CLASP2: variants seen among roughly 807,000 people sequenced by gnomAD.
CLASP2 encodes CLIP-associating protein 2.
CLASP2 carries 47 observed loss-of-function variants against 194.4 expected under a neutral mutation model. The ratio of observed to expected loss-of-function variants is 0.24; its 90% CI spans 0.19 to 0.31. The LOEUF is 0.31. CLASP2 is among the 10% of genes least tolerant of loss of function. The pLI, the probability that CLASP2 is intolerant of heterozygous loss-of-function variation, is 1.00. For missense variants in CLASP2, 1,445 were observed against 1,823.6 expected (o/e 0.79, Z 3.78); for synonymous variants, 619 against 633.5 (o/e 0.98, Z 0.34).
At chr3:33,574,855 T>C (rs2064504253) in intron 24 of CLASP2, among the ~76,000 whole-genome samples, 1 of 152,146 alleles carries the variant, frequency 6.6e-6, no homozygotes, top group Non-Finnish European at 1.5e-5. Flanking sequence ...AAATTGGTAG[T>C]TGTAAGTGGA....
intron 26 of CLASP2, among the ~76,000 whole-genome samples, chr3:33,570,092 G>A (rs2063465962): frequency 6.6e-6 from 1 of 152,118 alleles, no homozygotes; most frequent in Non-Finnish European, 1.5e-5. Flanking sequence ...CAGAATATGT[G>A]ACCACAGTTT....
At chr3:33,589,491 C>T (rs1246662723) in intron 21 of CLASP2, among the ~76,000 whole-genome samples, 1 of 152,030 alleles carries the variant, frequency 6.6e-6, no homozygotes, top group African/African-American at 2.4e-5. Context: ...TGTAAAGAAA[C>T]TTGCATACAA....
chr3:33,585,044 T>A lies in CLASP2; in HGVS notation c.2069-124A>T, dbSNP rs2067038995. On this transcript the variant is annotated intron_variant, in intron 21 of 38. Coordinates refer to ENST00000682230, the MANE Select transcript of CLASP2 (RefSeq NM_001365631.1). ...TGTGACAGTATGGCAGGTTCTACGC[T>A]CAAAGGAAATAGACCGAGGAAGATT... 4 of 729,524 alleles carry A rather than the reference T, an allele frequency of 5.5e-6. No individual in the cohort carries two copies. The Admixed American group carries it at 1.4e-4, about 25-fold the overall frequency. 45.2% of individuals were successfully genotyped at this position (729,524 alleles called of 1,614,324 possible). A position where few individuals can be genotyped will look rare whatever the true frequency, so the allele number is the denominator to read the frequency against.
At chr3:33,544,101 T>C (rs1336447816) in intron 31 of CLASP2, among the ~76,000 whole-genome samples, 1 of 152,212 alleles carries the variant, frequency 6.6e-6, no homozygotes, top group East Asian at 1.9e-4. Flanking sequence ...TTTTTAATGC[T>C]TCAGTTCAAT....
intron 18 of CLASP2, among the ~76,000 whole-genome samples, chr3:33,597,412 G>C (rs1421811524): frequency 6.6e-6 from 1 of 152,140 alleles, no homozygotes; most frequent in East Asian, 1.9e-4. Flanking sequence ...ATGCTTGTGG[G>C]GCTGGCCTCT....
intron 34 of CLASP2, among the ~76,000 whole-genome samples, chr3:33,519,187 A>T (rs2052266965): frequency 6.6e-6 from 1 of 152,194 alleles, no homozygotes. Flanking sequence ...AGTGCTCAAG[A>T]AGTACAAAAT....
intron 38 of CLASP2, among the ~76,000 whole-genome samples, chr3:33,500,522 C>A (rs956120255): frequency 6.6e-6 from 1 of 152,126 alleles, no homozygotes; most frequent in Non-Finnish European, 1.5e-5. Context: ...GATCACAGAA[C>A]CCTCTGAAAC....
chr3:33,661,286 G>T (rs1162118428), intron 7 of CLASP2, among the ~76,000 whole-genome samples: 4 of 151,960 alleles, frequency 2.6e-5, no homozygotes, highest in African/African-American at 9.7e-5. Flanking sequence ...GCTCCTTAAG[G>T]GGAGAAATTT....
At chr3:33,650,514 G>A (rs1213214325) in intron 7 of CLASP2, among the ~76,000 whole-genome samples, 5 of 152,120 alleles carry the variant, frequency 3.3e-5, no homozygotes, top group African/African-American at 7.2e-5. Flanking sequence ...AAGTGAGCAG[G>A]CTGCAGTGGT....
At position 33,584,861 on chromosome 3, in the gene CLASP2, T is replaced by A. The variant is rs1456729794; in HGVS notation, c.2128A>T (p.Ser710Cys). The change falls in exon 22 of 39, where the codon AGC becomes TGC. Residue 710 changes from serine to cysteine, a missense_variant. Coordinates refer to ENST00000682230, the MANE Select transcript of CLASP2 (RefSeq NM_001365631.1). ...ACCAGGACTCTTTGAACACCAGAGC[T>A]CACAGTGGACAGGGCTGTTGTGGTC... ...VLTTTALSTV[S>C]SGVQRVLVNS... is the part of the protein sequence containing the mutation. 40 of 1,613,904 alleles carry A rather than the reference T, an allele frequency of 2.5e-5. No individual in the cohort carries two copies. Among genetic ancestry groups the A allele is most frequent in the Non-Finnish European group, 3.3e-5 (39 of 1,179,864 alleles).
At chr3:33,658,906 G>A in intron 7 of CLASP2, 2 of 1,358,424 alleles carry the variant, frequency 1.5e-6, no homozygotes, top group Non-Finnish European at 2.0e-6. Context: ...TTCTTACACA[G>A]CAAATGATCG....
chr3:33,657,573 T>C (rs1239275526), intron 7 of CLASP2, among the ~76,000 whole-genome samples: 1 of 151,188 alleles, frequency 6.6e-6, no homozygotes, highest in African/African-American at 2.4e-5. Context: ...TAGGGTTATC[T>C]ACAAATTAGG....
chr3:33,710,852 T>C (rs2092967918), intron 1 of CLASP2, among the ~76,000 whole-genome samples: 1 of 152,256 alleles, frequency 6.6e-6, no homozygotes, highest in South Asian at 2.1e-4. Flanking sequence ...GGAGAATCAC[T>C]TGAACCCGGG....
chr3:33,685,546 A>C lies in CLASP2; in HGVS notation c.547-1090T>G, dbSNP rs114588985. On this transcript the variant is annotated intron_variant, in intron 5 of 38. Coordinates refer to ENST00000682230, the MANE Select transcript of CLASP2 (RefSeq NM_001365631.1). ...CATTATTCACAACAGCCAAATGTGG[A>C]AACAACCAAAATGTCCATCCACAGA... 2.2e-3 allele frequency among the ~76,000 whole-genome samples: 332 copies of C among 152,230 alleles called. 1 individual carries two copies. Among genetic ancestry groups the C allele is most frequent in the Non-Finnish European group, 2.9e-3 (200 of 68,016 alleles).
chr3:33,589,482 G>T (rs1410417728), intron 21 of CLASP2, among the ~76,000 whole-genome samples: 2 of 151,994 alleles, frequency 1.3e-5, no homozygotes, highest in Non-Finnish European at 2.9e-5. Flanking sequence ...CAAATATATT[G>T]TAAAGAAACT....
At chr3:33,510,313 T>A (rs1473604267) in intron 37 of CLASP2, among the ~76,000 whole-genome samples, 1 of 152,182 alleles carries the variant, frequency 6.6e-6, no homozygotes, top group Non-Finnish European at 1.5e-5. Flanking sequence ...GATGGTTGCA[T>A]AACACTGTGA....
At chr3:33,703,956 A>C (rs1341491839) in intron 1 of CLASP2, among the ~76,000 whole-genome samples, 1 of 152,216 alleles carries the variant, frequency 6.6e-6, no homozygotes, top group Admixed American at 6.5e-5. Flanking sequence ...AAGAATCTTA[A>C]ATGTATGCTA....
intron 23 of CLASP2, among the ~76,000 whole-genome samples, chr3:33,579,420 A>C (rs771797125): frequency 6.6e-5 from 10 of 152,238 alleles, no homozygotes; most frequent in Non-Finnish European, 1.3e-4. Flanking sequence ...GTACAGGTTT[A>C]CAAAGTACAG....
At chr3:33,696,810 A>G (rs1559667934) in intron 2 of CLASP2, 45 bp downstream of exon 2, 5 of 1,219,910 alleles carry the variant, frequency 4.1e-6, no homozygotes, top group Non-Finnish European at 5.9e-6. Flanking sequence ...AAAAGTCATC[A>G]TGTCAAATCT....
Sources: allele counts gnomAD v4.1 joint callset (sites outside exome capture counted in the v4.1 genomes callset), GRCh38; gene constraint gnomAD v4.1.1; transcripts MANE v1.5; gene names NCBI Gene and HGNC (gene_info 2026-07-23, HGNC 2026-07-21).